Variants in CADPS observed in about 807,000 individuals in gnomAD.
The protein encoded by CADPS is calcium dependent secretion activator, also known as calcium-dependent secretion activator 1.
Under a neutral mutation model 167.3 loss-of-function variants are expected in CADPS, and 57 were observed. That is an observed-to-expected ratio of 0.34 (90% confidence interval 0.28 to 0.42). CADPS has a LOEUF of 0.42. Among genes scored for constraint, CADPS ranks in the 20% least tolerant of loss-of-function variants. CADPS has a pLI of 1.00. For synonymous variants in CADPS, 676 were observed against 635.3 expected, an observed-to-expected ratio of 1.06 and a Z score of -0.96; for missense variants, 1,414 against 1,738.1, an observed-to-expected ratio of 0.81 and a Z score of 3.32.
chr3:62,728,510 A>ACAAATAATTGTTAC (rs1334300182), intron 3 of CADPS, among the ~76,000 whole-genome samples: 1 of 151,762 alleles, frequency 6.6e-6, no homozygotes, highest in Non-Finnish European at 1.5e-5. Flanking sequence ...TTTCCCCTTC[A>ACAAATAATTGTTAC]CAAATAATTG....
At position 62,405,534 on chromosome 3, in the gene CADPS, A is replaced by G. The variant is rs186529978; in HGVS notation, c.3778-2349T>C. Among the ~76,000 whole-genome samples, 65 of 152,070 alleles carry G rather than the reference A, an allele frequency of 4.3e-4. No homozygotes were observed. The East Asian group carries it at 0.011, about 26-fold the overall frequency. ...GTTCCCACTCTTGTAAATGGCTTCT[A>G]GTAGTAAAAAATAAAAATAAAAATA... On this transcript the variant is annotated intron_variant, in intron 28 of 29. Transcript: ENST00000383710.
chr3:62,781,617 G>T (rs994646015), intron 1 of CADPS, among the ~76,000 whole-genome samples: 1 of 152,150 alleles, frequency 6.6e-6, no homozygotes, highest in Non-Finnish European at 1.5e-5. Context: ...ACGTTCTGTT[G>T]GGAGGGGCCA....
chr3:62,537,474 A>C (rs981855966), intron 11 of CADPS, among the ~76,000 whole-genome samples: 2 of 152,188 alleles, frequency 1.3e-5, no homozygotes, highest in African/African-American at 4.8e-5. Context: ...AAGAGGTAGA[A>C]ATGAAGGTGC....
intron 1 of CADPS, among the ~76,000 whole-genome samples, chr3:62,860,476 G>C (rs571771569): frequency 6.6e-6 from 1 of 152,244 alleles, no homozygotes; most frequent in East Asian, 1.9e-4. Context: ...ATATGCTCAA[G>C]TCTCACCGTT....
chr3:62,734,666 T>A (rs2078624743), intron 3 of CADPS, among the ~76,000 whole-genome samples: 1 of 152,256 alleles, frequency 6.6e-6, no homozygotes, highest in African/African-American at 2.4e-5. Flanking sequence ...TTATTGTTAC[T>A]GTATTCTATT....
chr3:62,690,214 C>G (rs1316323518), intron 3 of CADPS, among the ~76,000 whole-genome samples: 2 of 152,000 alleles, frequency 1.3e-5, no homozygotes, highest in Non-Finnish European at 2.9e-5. Flanking sequence ...GGGATGTTAA[C>G]TGTCCAGTTG....
At chr3:62,592,575 A>G in intron 7 of CADPS, 62 bp downstream of exon 7, 1 of 1,256,236 alleles carries the variant, frequency 8.0e-7, no homozygotes, top group Non-Finnish European at 1.2e-6. Context: ...TGACCTGTGC[A>G]CTGGAGACCT....
intron 28 of CADPS, among the ~76,000 whole-genome samples, chr3:62,427,069 C>T (rs551546791): frequency 5.5e-4 from 68 of 124,526 alleles, no homozygotes; most frequent in African/African-American, 1.6e-3. Flanking sequence ...AGCGAGACTC[C>T]GTATCAAAAA....
chr3:62,469,334 T>C (rs1489300351), intron 24 of CADPS, among the ~76,000 whole-genome samples: 1 of 152,198 alleles, frequency 6.6e-6, no homozygotes, highest in Non-Finnish European at 1.5e-5. Context: ...TTGGGAGATA[T>C]ATTGTTCTGT....
At chr3:62,408,738 G>C (rs1010391167) in intron 28 of CADPS, among the ~76,000 whole-genome samples, 4 of 152,154 alleles carry the variant, frequency 2.6e-5, no homozygotes, top group African/African-American at 9.7e-5. Context: ...TGGTACATTT[G>C]TTTTCAGAAC....
intron 1 of CADPS, among the ~76,000 whole-genome samples, chr3:62,805,693 C>T (rs1315413714): frequency 6.6e-6 from 1 of 152,188 alleles, no homozygotes; most frequent in African/African-American, 2.4e-5. Flanking sequence ...CTTCCCTTTT[C>T]CCCTCTGCTC....
intron 27 of CADPS, among the ~76,000 whole-genome samples, chr3:62,443,664 C>T (rs2056741482): frequency 6.6e-6 from 1 of 152,080 alleles, no homozygotes; most frequent in Non-Finnish European, 1.5e-5. Context: ...TTCTTCTTAC[C>T]TCTGCTGTCT....
At chr3:62,859,138 T>G (rs2080270895) in intron 1 of CADPS, among the ~76,000 whole-genome samples, 1 of 152,148 alleles carries the variant, frequency 6.6e-6, no homozygotes, top group South Asian at 2.1e-4. Flanking sequence ...GCATCACAAA[T>G]CTCCCTAAAT....
rs1293860258 is a variant in CADPS, at chr3:62,466,489, C to G, written c.3478-76G>C. 4.3e-6 allele frequency: 4 copies of G among 926,568 alleles called. No individual in the cohort carries two copies. The Admixed American group carries it at 7.7e-5, about 18-fold the overall frequency. The allele number at this position is 926,568 out of a possible 1,614,324, so 57.4% of individuals were successfully genotyped here. A position where few individuals can be genotyped will look rare whatever the true frequency, so the allele number is the denominator to read the frequency against. On this transcript the variant is annotated intron_variant, in intron 24 of 29. Coordinates refer to ENST00000383710, the MANE Select transcript of CADPS (RefSeq NM_003716.4). ...GCATCCGTCAGTAATTTTTAGACAA[C>G]TTAATTTATAAATAAAGCCTGGCCT...
chr3:62,603,803 C>A (rs2060304195), intron 6 of CADPS, among the ~76,000 whole-genome samples: 1 of 151,978 alleles, frequency 6.6e-6, no homozygotes, highest in African/African-American at 2.4e-5. Context: ...GTATCTGAAT[C>A]TGGTTCTGAT....
At chr3:62,542,626 C>T (rs1372256992) in intron 11 of CADPS, among the ~76,000 whole-genome samples, 2 of 152,090 alleles carry the variant, frequency 1.3e-5, no homozygotes, top group Non-Finnish European at 2.9e-5. Flanking sequence ...TTAATTGCTT[C>T]GTGGTCCCTT....
intron 4 of CADPS, among the ~76,000 whole-genome samples, chr3:62,659,284 T>A (rs1309945052): frequency 1.3e-5 from 2 of 152,190 alleles, no homozygotes; most frequent in Admixed American, 1.3e-4. Context: ...AGGTGATTTG[T>A]CTTAATATCT....
At chr3:62,645,579 C>T (rs1312294301) in intron 6 of CADPS, 143 bp downstream of exon 6, 11 of 823,692 alleles carry the variant, frequency 1.3e-5, no homozygotes, top group Non-Finnish European at 2.1e-5. Context: ...AAAATGTAGG[C>T]AAGTCATCTT....
chr3:62,624,950 T>C (rs1567625), intron 6 of CADPS, among the ~76,000 whole-genome samples: 140,252 of 149,180 alleles, frequency 0.94, 66,161 homozygotes, highest in East Asian at 1. Context: ...TGCCTCATTC[T>C]GAAATTTGAA....
Sources: allele counts gnomAD v4.1 joint callset (sites outside exome capture counted in the v4.1 genomes callset), GRCh38; gene constraint gnomAD v4.1.1; transcripts MANE v1.5; gene names NCBI Gene and HGNC (gene_info 2026-07-23, HGNC 2026-07-21).